The following CENPK variants were observed in gnomAD, a reference collection of about 807,000 sequenced individuals.
CENPK encodes SoxLZ/Sox6-binding protein Solt.
In CENPK, 46 loss-of-function variants were observed where a neutral mutation model predicts 40.9. That is an observed-to-expected ratio of 1.13 (90% CI 0.89 to 1.44). The LOEUF is 1.44. CENPK is among the 40% of genes most tolerant of loss of function. The pLI, the probability that CENPK is intolerant of heterozygous loss-of-function variation, is 0.00. For missense variants in CENPK, 288 were observed against 303.5 expected (o/e 0.95, Z 0.38); for synonymous variants, 107 against 104.4 (o/e 1.02, Z -0.15).
intron 1 of CENPK, among the ~76,000 whole-genome samples, chr5:65,562,237 T>C (rs996017301): frequency 3.3e-5 from 5 of 152,166 alleles, no homozygotes; most frequent in Admixed American, 6.5e-5. Flanking sequence ...GAAGGCTAAA[T>C]CGCTGTGGAG....
intron 9 of CENPK, among the ~76,000 whole-genome samples, chr5:65,525,756 A>G (rs950078216): frequency 2.6e-5 from 4 of 152,236 alleles, no homozygotes; most frequent in African/African-American, 9.6e-5. Context: ...TTTCCTCATA[A>G]AAAGAGGAAA....
At position 65,522,767 on chromosome 5, in the gene CENPK, C is replaced by A. The variant is rs117032386; in HGVS notation, c.598-1239G>T. Among the ~76,000 whole-genome samples the A allele has an allele frequency of 2.7e-4, 41 of 152,308 alleles. No homozygotes were observed. The East Asian group carries it at 7.9e-3, about 29-fold the overall frequency. On this transcript the variant is annotated intron_variant, in intron 9 of 10. Coordinates refer to ENST00000396679, the MANE Select transcript of CENPK (RefSeq NM_022145.5). ...CATATGGCATAAATTTGAGGCTTCT[C>A]AATACCATGATTATTCTCCGAATGT...
At chr5:65,554,068 C>A (rs929230158) in intron 3 of CENPK, among the ~76,000 whole-genome samples, 7 of 152,080 alleles carry the variant, frequency 4.6e-5, no homozygotes, top group African/African-American at 1.7e-4. Context: ...ACATTTTCTT[C>A]TTTATGCTTT....
rs575745093 is a variant in CENPK at position 65,555,825 on chromosome 5, T to A, written c.-39-879A>T. Among the ~76,000 whole-genome samples, 6 of 152,344 alleles carry A rather than the reference T, an allele frequency of 3.9e-5. No homozygotes were observed. In the East Asian group the frequency reaches 7.7e-4, roughly 20 times the overall value. ...GATTTGGCAAACATGGGAGAAGTGC[T>A]GATTAAAAACTCAGTTTAGGATATG... On this transcript the variant is annotated intron_variant, in intron 2 of 10. Transcript: ENST00000396679.
At chr5:65,538,205 C>T (rs570031215) in intron 6 of CENPK, among the ~76,000 whole-genome samples, 1 of 152,064 alleles carries the variant, frequency 6.6e-6, no homozygotes, top group Admixed American at 6.6e-5. Context: ...TTTAAATTCT[C>T]GTTGGTTCCC....
At chr5:65,534,613 A>G (rs1387130200) in intron 6 of CENPK, among the ~76,000 whole-genome samples, 1 of 152,216 alleles carries the variant, frequency 6.6e-6, no homozygotes, top group Non-Finnish European at 1.5e-5. Flanking sequence ...ACAAAAGTGT[A>G]AAGGAAATTC....
chr5:65,551,998 C>A (rs906009994), intron 4 of CENPK, among the ~76,000 whole-genome samples: 1 of 134,866 alleles, frequency 7.4e-6, no homozygotes, highest in African/African-American at 2.8e-5. Context: ...CTTACTCTTT[C>A]GCCCAGGCTG....
chr5:65,531,508 ATTT>A (rs34443663), intron 6 of CENPK, among the ~76,000 whole-genome samples: 1 of 142,812 alleles, frequency 7.0e-6, no homozygotes. Flanking sequence ...CTAAAAATCT[ATTT>A]TTTTTTTTTT....
At chr5:65,551,072 T>C in intron 5 of CENPK, 1 of 269,546 alleles carries the variant, frequency 3.7e-6, no homozygotes, top group Non-Finnish European at 7.5e-6. Context: ...TGAAACCCCG[T>C]CTCTACAAAA....
chr5:65,552,838 T>C (rs1376090633), intron 3 of CENPK, among the ~76,000 whole-genome samples: 1 of 148,090 alleles, frequency 6.8e-6, no homozygotes, highest in African/African-American at 2.5e-5. Flanking sequence ...AAGTGGGAGA[T>C]AAAAAAATAA....
At chr5:65,508,547 G>C in the CENPK span, among the ~76,000 whole-genome samples, 1 of 152,172 alleles carries the variant, frequency 6.6e-6, no homozygotes, top group Admixed American at 6.5e-5. Context: ...CACTTTGAGA[G>C]GCTGAGGCGG....
intron 5 of CENPK, among the ~76,000 whole-genome samples, chr5:65,546,761 T>A (rs780424557): frequency 6.6e-6 from 1 of 152,206 alleles, no homozygotes; most frequent in Non-Finnish European, 1.5e-5. Context: ...AAGATGGACA[T>A]CTGCAAGCCA....
rs186892810 is a variant in CENPK at position 65,558,157 on chromosome 5, C to T, written c.-39-3211G>A. Reference sequence around the variant, plus strand: ...ACAAAACAAACAAAAAGAAAACACACACACACACATTTTTTTTTCTTTAAA... The same window carrying T: ...ACAAAACAAACAAAAAGAAAACACATACACACACATTTTTTTTTCTTTAAA... On this transcript the variant is annotated intron_variant, in intron 2 of 10. Transcript: ENST00000396679. Among the ~76,000 whole-genome samples the T allele has an allele frequency of 5.9e-5, 9 of 152,104 alleles. 1 individual carries two copies. In the East Asian group the frequency reaches 1.7e-3, roughly 29 times the overall value.
intron 6 of CENPK, among the ~76,000 whole-genome samples, chr5:65,537,957 T>C (rs994976225): frequency 3.9e-5 from 6 of 152,336 alleles, no homozygotes; most frequent in South Asian, 2.1e-4. Flanking sequence ...TGCTGCGACA[T>C]AGAGTTACTC....
intron 9 of CENPK, among the ~76,000 whole-genome samples, chr5:65,524,349 C>T (rs1172066531): frequency 6.6e-6 from 1 of 151,168 alleles, no homozygotes; most frequent in Non-Finnish European, 1.5e-5. Context: ...CACGCCACTG[C>T]ACTCCAGCGT....
the CENPK span, among the ~76,000 whole-genome samples, chr5:65,495,902 A>G: frequency 6.6e-6 from 1 of 152,220 alleles, no homozygotes; most frequent in African/African-American, 2.4e-5. Context: ...ACTCTCATAC[A>G]CTGCTGGTGG....
chr5:65,498,507 A>G, the CENPK span, among the ~76,000 whole-genome samples: 1 of 152,086 alleles, frequency 6.6e-6, no homozygotes. Context: ...GAATCAAATC[A>G]TATATTTTGT....
intron 5 of CENPK, among the ~76,000 whole-genome samples, chr5:65,546,229 C>G (rs891863506): frequency 9.1e-4 from 113 of 124,112 alleles, no homozygotes; most frequent in East Asian, 3.5e-3. Context: ...TTCTCCCCTG[C>G]CCCCCCGCTC....
chr5:65,500,748 T>C, the CENPK span, among the ~76,000 whole-genome samples: 1 of 152,180 alleles, frequency 6.6e-6, no homozygotes, highest in African/African-American at 2.4e-5. Flanking sequence ...CTGCAACTTC[T>C]GCCTCCTGGG....
Sources: gnomAD v4.1 joint callset for allele counts (sites outside exome capture counted in the v4.1 genomes callset) on GRCh38, gnomAD v4.1.1 for gene constraint, MANE v1.5 for transcripts, NCBI Gene and HGNC (gene_info 2026-07-23, HGNC 2026-07-21) for gene names.